Variants in CNBD2 observed in about 807,000 individuals in gnomAD.
The protein encoded by CNBD2 is cyclic nucleotide-binding domain-containing protein 2.
A neutral mutation model predicts 63.7 loss-of-function variants in CNBD2; 64 were observed. That is an observed-to-expected ratio of 1.00 (90% CI 0.82 to 1.24). CNBD2 has a LOEUF of 1.24. Ranked by LOEUF, CNBD2 falls within the 50% of genes most tolerant of loss-of-function variation. The pLI, the probability that CNBD2 is intolerant of heterozygous loss-of-function variation, is 0.00. For synonymous variants in CNBD2, 229 were observed against 255.4 expected (o/e 0.90, Z 0.99); for missense variants, 691 against 713.5 (o/e 0.97, Z 0.36).
In CNBD2 at chr20:35,972,765, A is replaced by T; in HGVS notation, c.188A>T (p.Asp63Val). Residue 63 changes from aspartate to valine, a missense_variant and splice_region_variant, in exon 2 of 12, where the codon GAT (aspartate) becomes GTT (valine). Asp to Val is a radical substitution (Grantham distance 152). Transcript: ENST00000373973. ...AAGCACCCTATCTTCTCCTTCTGGG[A>T]TGTAAGCAGTTGGGCTCAGCAGGAT... Reference protein sequence around the residue: ...HWKHPIFSFWDKKMQSRVTFD... With the variant: ...HWKHPIFSFWVKKMQSRVTFD... 2 of 1,614,172 alleles carry T rather than the reference A, an allele frequency of 1.2e-6. No individual in the cohort carries two copies. Among genetic ancestry groups the T allele is most frequent in the Non-Finnish European group, 1.7e-6 (2 of 1,180,016 alleles).
intron 2 of CNBD2, among the ~76,000 whole-genome samples, chr20:35,961,406 G>A (rs2056308319): frequency 6.6e-6 from 1 of 152,048 alleles, no homozygotes; most frequent in South Asian, 2.1e-4. Context: ...CGTCTCCTCT[G>A]GCTGTCTCAG....
At chr20:35,982,582 A>C (rs2056612214) in intron 4 of CNBD2, among the ~76,000 whole-genome samples, 1 of 152,052 alleles carries the variant, frequency 6.6e-6, no homozygotes, top group African/African-American at 2.4e-5. Flanking sequence ...GCCTTGTCTG[A>C]CCTTCCTAAG....
intron 10 of CNBD2, among the ~76,000 whole-genome samples, chr20:36,014,810 T>G (rs1431892380): frequency 1.3e-5 from 2 of 151,868 alleles, no homozygotes; most frequent in Admixed American, 6.6e-5. Flanking sequence ...TTTTTTTATT[T>G]TTCGTTAGAG....
At chr20:35,967,227 T>C (rs1196017974), upstream of CNBD2, among the ~76,000 whole-genome samples, 1 of 147,262 alleles carries the variant, frequency 6.8e-6, no homozygotes, top group Non-Finnish European at 1.5e-5. Context: ...TTTATGCCAA[T>C]TCCCCCTCCC....
chr20:35,995,061 G>C lies in CNBD2; in HGVS notation c.879G>C (p.Leu293=). The change falls in exon 8 of 12, where the codon CTG becomes CTC. Residue 293 remains leucine, a synonymous_variant. Transcript: ENST00000373973. The part of the protein sequence containing the change: ...ISKGSCEVLR[L]LDLGASPSYR... Reference sequence around the variant, plus strand: ...AGGGCAGCTGTGAAGTCCTGCGGCTGTTGGACCTTGGGGCCTCCCCTTCCT... The same window carrying C: ...AGGGCAGCTGTGAAGTCCTGCGGCTCTTGGACCTTGGGGCCTCCCCTTCCT... The C allele has an allele frequency of 6.2e-7, 1 of 1,614,094 alleles. No homozygotes were observed. Among genetic ancestry groups the C allele is most frequent in the Non-Finnish European group, 8.5e-7 (1 of 1,179,960 alleles).
At chr20:35,971,016 C>T (rs1454479912) in intron 1 of CNBD2, among the ~76,000 whole-genome samples, 10 of 146,306 alleles carry the variant, frequency 6.8e-5, no homozygotes, top group African/African-American at 1.5e-4. Flanking sequence ...GGCGGGATCT[C>T]GGCTCACTGC....
intron 8 of CNBD2, among the ~76,000 whole-genome samples, chr20:35,998,358 A>G (rs773598016): frequency 6.6e-6 from 1 of 151,996 alleles, no homozygotes; most frequent in African/African-American, 2.4e-5. Context: ...TTGAATTCTA[A>G]GATAACATAC....
chr20:35,962,028 CGA>C (rs1351450935), intron 2 of CNBD2, among the ~76,000 whole-genome samples: 8 of 152,126 alleles, frequency 5.3e-5, no homozygotes, highest in Admixed American at 2.0e-4. Flanking sequence ...TGGAGAAGTA[CGA>C]GTTTTGCCAG....
intron 8 of CNBD2, among the ~76,000 whole-genome samples, chr20:36,000,809 G>T: frequency 7.9e-6 from 1 of 126,726 alleles, no homozygotes; most frequent in South Asian, 2.6e-4. Context: ...AGGGGGATTT[G>T]GCAGGGTCAT....
At chr20:35,971,956 T>A (rs1173676741) in intron 1 of CNBD2, among the ~76,000 whole-genome samples, 1 of 152,202 alleles carries the variant, frequency 6.6e-6, no homozygotes, top group Non-Finnish European at 1.5e-5. Context: ...GGGGAAAAGG[T>A]AGGGTGGCCC....
chr20:35,989,854 C>A (rs2056718487), intron 7 of CNBD2, among the ~76,000 whole-genome samples: 1 of 110,504 alleles, frequency 9.0e-6, no homozygotes, highest in African/African-American at 3.8e-5. Context: ...GAAAGAAAGA[C>A]AGATGAGAGA....
intron 1 of CNBD2, among the ~76,000 whole-genome samples, chr20:35,969,926 A>G (rs1364478343): frequency 1.3e-5 from 2 of 152,356 alleles, no homozygotes; most frequent in Admixed American, 1.3e-4. Flanking sequence ...GTTCCCAGTG[A>G]TAAGTGCAAA....
intron 8 of CNBD2, among the ~76,000 whole-genome samples, chr20:35,997,097 G>A (rs541674370): frequency 6.6e-6 from 1 of 152,158 alleles, no homozygotes; most frequent in Non-Finnish European, 1.5e-5. Flanking sequence ...CTCTGTAATG[G>A]CATTTTTATT....
chr20:35,990,162 T>C (rs1032715672), intron 7 of CNBD2, among the ~76,000 whole-genome samples: 2 of 152,190 alleles, frequency 1.3e-5, no homozygotes, highest in African/African-American at 4.8e-5. Context: ...CATGGTTGGA[T>C]AATTTATACA....
At chr20:35,988,333 A>T (rs2056697199) in intron 7 of CNBD2, among the ~76,000 whole-genome samples, 1 of 150,104 alleles carries the variant, frequency 6.7e-6, no homozygotes, top group South Asian at 2.1e-4. Context: ...TGCCTGGCTA[A>T]TTTTTTTTTG....
chr20:35,987,461 A>G lies in CNBD2; in HGVS notation c.783A>G (p.Ile261Met). ...KLWQLVAMAK[I>M]ERFSYGQLIS... The stretch of plus-strand genomic sequence containing the variant: ...GGCAGCTGGTAGCCATGGCGAAGAT[A>G]GAGAGGTTCTCGTATGGGCAGCTGA... Residue 261 changes from isoleucine to methionine, a missense_variant, in exon 7 of 12, where the codon ATA (isoleucine) becomes ATG (methionine). Ile to Met is a conservative substitution (Grantham distance 10). Coordinates refer to ENST00000373973, the MANE Select transcript of CNBD2 (RefSeq NM_001365709.1). 2.5e-6 allele frequency: 4 copies of G among 1,614,168 alleles called. No homozygotes were observed. The highest frequency in any genetic ancestry group is 3.4e-6 in the Non-Finnish European group (4 of 1,180,020).
rs568082083 is a variant in CNBD2, at chr20:36,023,948, A to G, written c.1439+177A>G. ...CTTTTGATAATAATTTTAGCATTAC[A>G]TTTCAAGTGCTATAAAACTGTCCCA... On this transcript the variant is annotated intron_variant, in intron 11 of 11. Coordinates refer to ENST00000373973, the MANE Select transcript of CNBD2 (RefSeq NM_001365709.1). Among the ~76,000 whole-genome samples the G allele has an allele frequency of 4.6e-5, 7 of 152,358 alleles. No homozygotes were observed. The East Asian group carries it at 1.3e-3, about 29-fold the overall frequency.
At chr20:36,003,178 T>A (rs746415289) in intron 8 of CNBD2, among the ~76,000 whole-genome samples, 82 of 152,198 alleles carry the variant, frequency 5.4e-4, no homozygotes, top group Non-Finnish European at 9.7e-4. Context: ...ATATACACAA[T>A]ATTTTTTCCT....
chr20:36,008,099 A>G (rs1354340665), intron 8 of CNBD2, among the ~76,000 whole-genome samples, 198 bp from the exon 9 acceptor site: 1 of 152,138 alleles, frequency 6.6e-6, no homozygotes, highest in Non-Finnish European at 1.5e-5. Context: ...TAATAGATGT[A>G]AAGGCTCTAG....
Sources: allele counts gnomAD v4.1 joint callset (sites outside exome capture counted in the v4.1 genomes callset), GRCh38; gene constraint gnomAD v4.1.1; transcripts MANE v1.5; gene names NCBI Gene and HGNC (gene_info 2026-07-23, HGNC 2026-07-21).